Variants in LRRC4C observed in about 807,000 individuals in gnomAD.
LRRC4C encodes leucine-rich repeat-containing protein 4C.
A neutral mutation model predicts 33.6 loss-of-function variants in LRRC4C; 5 were observed. The observed-to-expected ratio is 0.15, with a 90% CI of 0.08 to 0.31. LRRC4C has a LOEUF of 0.31. LRRC4C is among the 10% of genes least tolerant of loss of function. The probability of loss-of-function intolerance (pLI) is 1.00; values close to 1 mark genes in which losing one functional copy is unlikely to be tolerated. For synonymous variants in LRRC4C, 329 were observed against 302.0 expected, an observed-to-expected ratio of 1.09 and a Z score of -0.93; for missense variants, 560 against 796.7, an observed-to-expected ratio of 0.70 and a Z score of 3.58.
chr11:40,430,126 G>A (rs1347578596), intron 3 of LRRC4C, among the ~76,000 whole-genome samples: 1 of 151,946 alleles, frequency 6.6e-6, no homozygotes, highest in Admixed American at 6.6e-5. Flanking sequence ...CTTTTATTGG[G>A]CTTTACATCA....
chr11:40,620,002 T>C (rs891328308), intron 3 of LRRC4C, among the ~76,000 whole-genome samples: 4 of 147,156 alleles, frequency 2.7e-5, no homozygotes, highest in African/African-American at 1.0e-4. Context: ...AAAAGTTCAT[T>C]ACATATGTAG....
chr11:40,765,432 C>A lies in LRRC4C; in HGVS notation c.-406-117154G>T, dbSNP rs1949406025. Among the ~76,000 whole-genome samples the A allele has an allele frequency of 2.0e-5, 3 of 152,264 alleles. No individual in the cohort carries two copies. The South Asian group carries it at 6.2e-4, about 32-fold the overall frequency. On this transcript the variant is annotated intron_variant, in intron 2 of 6. Transcript: ENST00000528697. ...CCTGAAGAACCATAAGCCAATTAAACCCCTTTTCTTTATAAATTATGCAGT... is the reference window on the plus strand; with the variant it reads ...CCTGAAGAACCATAAGCCAATTAAAACCCTTTTCTTTATAAATTATGCAGT...
intron 1 of LRRC4C, among the ~76,000 whole-genome samples, chr11:41,196,792 T>G (rs1044247479): frequency 5.3e-5 from 8 of 151,960 alleles, no homozygotes; most frequent in Admixed American, 1.3e-4. Context: ...ATTACTGAAG[T>G]TTTTCTTTCA....
At chr11:40,182,147 TAAC>T (rs1183787283) in intron 5 of LRRC4C, among the ~76,000 whole-genome samples, 2 of 152,198 alleles carry the variant, frequency 1.3e-5, no homozygotes, top group African/African-American at 2.4e-5. Flanking sequence ...AAAGTATTAA[TAAC>T]AACAATAATA....
chr11:41,265,771 T>G (rs1233577253), intron 1 of LRRC4C, among the ~76,000 whole-genome samples: 2 of 152,068 alleles, frequency 1.3e-5, no homozygotes, highest in Non-Finnish European at 2.9e-5. Context: ...GGAGGGACTC[T>G]GAAAAAATTT....
At chr11:40,689,092 G>A (rs997030050) in intron 2 of LRRC4C, among the ~76,000 whole-genome samples, 4 of 151,970 alleles carry the variant, frequency 2.6e-5, no homozygotes, top group Non-Finnish European at 5.9e-5. Context: ...AGAAACGACA[G>A]TGCTATGGAC....
intron 3 of LRRC4C, among the ~76,000 whole-genome samples, chr11:40,618,114 T>G (rs1045540876): frequency 2.6e-5 from 4 of 151,634 alleles, no homozygotes; most frequent in Non-Finnish European, 5.9e-5. Context: ...TCATATCTAT[T>G]TAGAACCTCA....
intron 2 of LRRC4C, among the ~76,000 whole-genome samples, chr11:40,772,978 A>G (rs1341476492): frequency 6.6e-6 from 1 of 152,260 alleles, no homozygotes; most frequent in Non-Finnish European, 1.5e-5. Flanking sequence ...GAATTAATAA[A>G]GGAAATGTGG....
chr11:40,795,785 G>A (rs1373851337), intron 2 of LRRC4C, among the ~76,000 whole-genome samples: 1 of 152,150 alleles, frequency 6.6e-6, no homozygotes, highest in Admixed American at 6.5e-5. Flanking sequence ...AACTTACTTT[G>A]TGGATTATGA....
chr11:40,689,947 C>T (rs763758685), intron 2 of LRRC4C, among the ~76,000 whole-genome samples: 10 of 152,048 alleles, frequency 6.6e-5, no homozygotes, highest in Non-Finnish European at 1.2e-4. Flanking sequence ...AGTCGGCTAA[C>T]TCATTTACTT....
At chr11:41,417,845 T>A (rs1051245325) in intron 1 of LRRC4C, among the ~76,000 whole-genome samples, 2 of 151,834 alleles carry the variant, frequency 1.3e-5, no homozygotes, top group Non-Finnish European at 2.9e-5. Context: ...TAATCCCTAT[T>A]TTTTTCTATT....
At chr11:40,664,546 A>AC (rs1251070332) in intron 2 of LRRC4C, among the ~76,000 whole-genome samples, 2 of 151,592 alleles carry the variant, frequency 1.3e-5, no homozygotes, top group African/African-American at 4.9e-5. Flanking sequence ...CTCTGTCTCA[A>AC]AAAAAAATGT....
intron 1 of LRRC4C, among the ~76,000 whole-genome samples, chr11:41,332,211 T>C (rs2137382177): frequency 1.3e-5 from 2 of 152,274 alleles, no homozygotes; most frequent in Admixed American, 1.3e-4. Flanking sequence ...AGATACCCAA[T>C]TTGCCTCATT....
intron 5 of LRRC4C, among the ~76,000 whole-genome samples, chr11:40,200,853 C>T (rs561025740): frequency 2.8e-4 from 42 of 150,064 alleles, no homozygotes; most frequent in Admixed American, 9.9e-4. Flanking sequence ...AAGCCTGAAT[C>T]AACACCACAG....
intron 2 of LRRC4C, among the ~76,000 whole-genome samples, chr11:40,668,348 C>A (rs528365451): frequency 6.6e-6 from 1 of 152,308 alleles, no homozygotes; most frequent in African/African-American, 2.4e-5. Context: ...TCTGGCAAAT[C>A]AATGTGTCCT....
chr11:41,138,460 G>A (rs1338011329), intron 1 of LRRC4C, among the ~76,000 whole-genome samples: 1 of 152,136 alleles, frequency 6.6e-6, no homozygotes, highest in Non-Finnish European at 1.5e-5. Flanking sequence ...ACTCCCTGGA[G>A]AAGGACATTT....
intron 2 of LRRC4C, among the ~76,000 whole-genome samples, chr11:40,846,828 T>C (rs1953200849): frequency 6.6e-6 from 1 of 152,196 alleles, no homozygotes; most frequent in African/African-American, 2.4e-5. Flanking sequence ...TCCTCTCTTA[T>C]TTCCATGAGC....
chr11:40,615,349 C>A (rs1961696069), intron 3 of LRRC4C, among the ~76,000 whole-genome samples: 4 of 149,802 alleles, frequency 2.7e-5, no homozygotes, highest in African/African-American at 4.9e-5. Context: ...GGCCCAGTAC[C>A]TAGATAGCAT....
In LRRC4C at chr11:40,591,688, C is replaced by T. The variant is rs527394289; in HGVS notation, c.-270+56454G>A. On this transcript the variant is annotated intron_variant, in intron 3 of 6. Transcript: ENST00000528697. Reference sequence around the variant, plus strand: ...AACATAAATTAAAATGAAGACCAGGCCTGAAGAATCCTTGAGTAGACAAAG... The same window carrying T: ...AACATAAATTAAAATGAAGACCAGGTCTGAAGAATCCTTGAGTAGACAAAG... 2.0e-5 allele frequency among the ~76,000 whole-genome samples: 3 copies of T among 152,266 alleles called. No individual in the cohort carries two copies. The South Asian group carries it at 6.2e-4, about 32-fold the overall frequency.
Sources: gnomAD v4.1 joint callset for allele counts (sites outside exome capture counted in the v4.1 genomes callset) on GRCh38, gnomAD v4.1.1 for gene constraint, MANE v1.5 for transcripts, NCBI Gene and HGNC (gene_info 2026-07-23, HGNC 2026-07-21) for gene names.